The following NSMCE2 variants were observed in gnomAD, a reference collection of about 807,000 sequenced individuals.
The protein encoded by NSMCE2 is NSE2 SUMO ligase component of SMC5/6 complex, also known as E3 SUMO-protein ligase NSE2.
Under a neutral mutation model 23.8 loss-of-function variants are expected in NSMCE2, and 24 were observed. The ratio of observed to expected loss-of-function variants is 1.01; its 90% CI spans 0.73 to 1.42. The LOEUF (loss-of-function observed/expected upper bound fraction) is 1.42, where lower values mean the gene tolerates loss of function less well. Ranked by LOEUF, NSMCE2 falls within the 40% of genes most tolerant of loss-of-function variation. The pLI is 0.00. For synonymous variants in NSMCE2, 92 were observed against 94.1 expected (o/e 0.98, Z 0.13); for missense variants, 284 against 296.5 (o/e 0.96, Z 0.31).
At chr8:125,336,869 G>C (rs1165094147) in intron 5 of NSMCE2, among the ~76,000 whole-genome samples, 1 of 152,184 alleles carries the variant, frequency 6.6e-6, no homozygotes, top group Middle Eastern at 3.2e-3. Context: ...TTTTTAAACT[G>C]ATCAGTCCTA....
At chr8:125,198,555 A>G (rs1445495368) in intron 5 of NSMCE2, among the ~76,000 whole-genome samples, 6 of 152,174 alleles carry the variant, frequency 3.9e-5, no homozygotes, top group Admixed American at 6.5e-5. Flanking sequence ...ATCGTGGTGG[A>G]TAAGTTTTTT....
At chr8:125,324,603 C>G (rs1319036486) in intron 5 of NSMCE2, among the ~76,000 whole-genome samples, 2 of 34,406 alleles carry the variant, frequency 5.8e-5, no homozygotes, top group African/African-American at 1.1e-4. Context: ...TGAGACGAGT[C>G]TGGCTCTGTT....
At chr8:125,362,700 C>G (rs908106297) in intron 7 of NSMCE2, among the ~76,000 whole-genome samples, 1 of 152,214 alleles carries the variant, frequency 6.6e-6, no homozygotes, top group Non-Finnish European at 1.5e-5. Flanking sequence ...CATTCTTGAG[C>G]CTGCAATTCT....
intron 5 of NSMCE2, among the ~76,000 whole-genome samples, chr8:125,313,214 GAAAA>G (rs1305816804): frequency 6.9e-6 from 1 of 144,560 alleles, no homozygotes; most frequent in Non-Finnish European, 1.5e-5. Context: ...AAGAAAGAAA[GAAAA>G]GAAAGAAAAA....
At chr8:125,144,427 A>G (rs1820554491) in intron 3 of NSMCE2, among the ~76,000 whole-genome samples, 1 of 152,222 alleles carries the variant, frequency 6.6e-6, no homozygotes, top group Non-Finnish European at 1.5e-5. Context: ...TTGCTTTTTA[A>G]CCTGTAGCCT....
chr8:125,277,713 A>T (rs1401177967), intron 5 of NSMCE2, among the ~76,000 whole-genome samples: 2 of 152,016 alleles, frequency 1.3e-5, no homozygotes, highest in Non-Finnish European at 2.9e-5. Context: ...ACGGGGTTTC[A>T]CTGTGTTAGC....
At chr8:125,315,462 G>C (rs566401554) in intron 5 of NSMCE2, among the ~76,000 whole-genome samples, 2 of 152,158 alleles carry the variant, frequency 1.3e-5, no homozygotes, top group African/African-American at 2.4e-5. Flanking sequence ...GTCATCTTGC[G>C]TGTCAAAACC....
At chr8:125,135,194 A>G (rs1408121465) in intron 3 of NSMCE2, among the ~76,000 whole-genome samples, 1 of 152,142 alleles carries the variant, frequency 6.6e-6, no homozygotes, top group African/African-American at 2.4e-5. Context: ...CCAGGATTAC[A>G]GTTGTAACCT....
At chr8:125,123,003 G>A (rs988495578) in intron 3 of NSMCE2, among the ~76,000 whole-genome samples, 3 of 152,156 alleles carry the variant, frequency 2.0e-5, no homozygotes, top group Non-Finnish European at 4.4e-5. Flanking sequence ...AGAGAAGTTT[G>A]ATAGTTTTGT....
At chr8:125,220,639 A>AT (rs907278936) in intron 5 of NSMCE2, among the ~76,000 whole-genome samples, 2 of 149,620 alleles carry the variant, frequency 1.3e-5, no homozygotes, top group African/African-American at 2.5e-5. Context: ...TAACATCATT[A>AT]TTTAAAAAAA....
Position 125,267,401 on chromosome 8 carries a change from A to T in NSMCE2, c.418+85145A>T, listed in dbSNP as rs1179000214. ...TTTCGTTTGTATGTATTTTTATGTG[A>T]GAAGTAAGGCTAGACAGTGAGGACC... On this transcript the variant is annotated intron_variant, in intron 5 of 7. Transcript: ENST00000287437. Among the ~76,000 whole-genome samples, 4 of 152,268 alleles carry T rather than the reference A, an allele frequency of 2.6e-5. No homozygotes were observed. The East Asian group carries it at 7.7e-4, about 29-fold the overall frequency.
At chr8:125,102,748 G>A (rs981991003) in intron 3 of NSMCE2, among the ~76,000 whole-genome samples, 1 of 152,142 alleles carries the variant, frequency 6.6e-6, no homozygotes, top group African/African-American at 2.4e-5. Context: ...CTGACCCCAA[G>A]GAGCATACAA....
intron 5 of NSMCE2, among the ~76,000 whole-genome samples, chr8:125,271,060 G>T (rs1378526631): frequency 6.6e-6 from 1 of 152,064 alleles, no homozygotes; most frequent in African/African-American, 2.4e-5. Context: ...AGGAGTTCAA[G>T]ACCAGCCTGA....
intron 5 of NSMCE2, among the ~76,000 whole-genome samples, chr8:125,320,512 A>G (rs1586764282): frequency 6.6e-6 from 1 of 152,340 alleles, no homozygotes; most frequent in East Asian, 1.9e-4. Flanking sequence ...CATTATGTAT[A>G]AAATAACAAA....
chr8:125,266,118 GT>G (rs1826905712), intron 5 of NSMCE2, among the ~76,000 whole-genome samples: 2 of 145,772 alleles, frequency 1.4e-5, no homozygotes, highest in Admixed American at 1.4e-4. Context: ...TTGAGATGGA[GT>G]TTTGCTCTTG....
intron 5 of NSMCE2, among the ~76,000 whole-genome samples, chr8:125,298,436 G>A (rs930622301): frequency 6.6e-6 from 1 of 152,208 alleles, no homozygotes; most frequent in Non-Finnish European, 1.5e-5. Flanking sequence ...CACCCAGCCA[G>A]TAAACGTGAG....
At chr8:125,339,313 G>A (rs1382002114) in intron 5 of NSMCE2, among the ~76,000 whole-genome samples, 1 of 152,060 alleles carries the variant, frequency 6.6e-6, no homozygotes, top group East Asian at 1.9e-4. Flanking sequence ...CTTATCCCTT[G>A]TATGCTAATG....
intron 4 of NSMCE2, among the ~76,000 whole-genome samples, chr8:125,181,072 G>A (rs1822780888): frequency 6.6e-6 from 1 of 152,152 alleles, no homozygotes; most frequent in Admixed American, 6.5e-5. Context: ...TCAGGAAAGG[G>A]CCAGTGATGA....
intron 5 of NSMCE2, among the ~76,000 whole-genome samples, chr8:125,297,454 C>G (rs1476040486): frequency 6.6e-6 from 1 of 152,182 alleles, no homozygotes; most frequent in Non-Finnish European, 1.5e-5. Flanking sequence ...GAAATGGTTT[C>G]CTTTGTTCAG....
Sources: allele counts gnomAD v4.1 joint callset (sites outside exome capture counted in the v4.1 genomes callset), GRCh38; gene constraint gnomAD v4.1.1; transcripts MANE v1.5; gene names NCBI Gene and HGNC (gene_info 2026-07-23, HGNC 2026-07-21).